PMM2: variants seen among roughly 807,000 people sequenced by gnomAD.
PMM2 encodes phosphomannomutase 2.
PMM2 carries 35 observed loss-of-function variants against 33.2 expected under a neutral mutation model. The observed-to-expected ratio is 1.06, with a 90% CI of 0.81 to 1.40. The LOEUF (loss-of-function observed/expected upper bound fraction) is 1.40. Among genes scored for constraint, PMM2 ranks in the 40% most tolerant of loss-of-function variants. PMM2 has a pLI of 0.00. For missense variants in PMM2, 386 were observed against 306.0 expected (o/e 1.26, Z -1.95); for synonymous variants, 153 against 114.7 (o/e 1.33, Z -2.13).
intron 7 of PMM2, among the ~76,000 whole-genome samples, chr16:8,828,997 A>T (rs1168804780): frequency 6.6e-6 from 1 of 151,930 alleles, no homozygotes; most frequent in Non-Finnish European, 1.5e-5. Flanking sequence ...TTTTCTTTTG[A>T]GATGGAGTCT....
intron 7 of PMM2, among the ~76,000 whole-genome samples, chr16:8,845,124 G>GA (rs1350909507): frequency 6.6e-6 from 1 of 152,216 alleles, no homozygotes; most frequent in Non-Finnish European, 1.5e-5. Flanking sequence ...AGTCCGAAAA[G>GA]AGAGTCGGCA....
chr16:8,844,627 C>T (rs1307720241), intron 7 of PMM2, among the ~76,000 whole-genome samples: 2 of 152,232 alleles, frequency 1.3e-5, no homozygotes, highest in African/African-American at 2.4e-5. Context: ...CGTGGTCTGA[C>T]ACCTCTGAAA....
At chr16:8,817,143 G>T (rs1467583043) in intron 7 of PMM2, among the ~76,000 whole-genome samples, 1 of 152,226 alleles carries the variant, frequency 6.6e-6, no homozygotes, top group Non-Finnish European at 1.5e-5. Flanking sequence ...CAGTGGGGTA[G>T]AAAGATCTTG....
intron 7 of PMM2, among the ~76,000 whole-genome samples, chr16:8,840,468 ATAG>A (rs1330951761): frequency 2.6e-5 from 4 of 151,962 alleles, no homozygotes; most frequent in African/African-American, 9.7e-5. Context: ...CAGACAGAAG[ATAG>A]TAGGGATGAC....
chr16:8,806,296 CAAGT>C lies in PMM2; in HGVS notation c.256-18_256-15del, dbSNP rs749891660. On this transcript the variant is annotated splice_polypyrimidine_tract_variant and intron_variant, in intron 3 of 7. Transcript: ENST00000268261. Reference sequence around the variant, plus strand: ...AATGCTCCTGCTAAATCAAGTAACTCAAGTATTTTCTTCATCTAGAATATTCAAA... The same window carrying C: ...AATGCTCCTGCTAAATCAAGTAACTCATTTTCTTCATCTAGAATATTCAAA... 13 of 1,480,612 alleles carry C rather than the reference CAAGT, an allele frequency of 8.8e-6. No homozygotes were observed. Among genetic ancestry groups the C allele is most frequent in the Middle Eastern group, 1.7e-4 (1 of 5,798 alleles). The allele number at this position is 1,480,612 out of a possible 1,614,324, so 91.7% of individuals were successfully genotyped here.
At chr16:8,811,742 C>T in intron 6 of PMM2, 29 bp downstream of exon 6, 1 of 1,450,308 alleles carries the variant, frequency 6.9e-7, no homozygotes, top group Non-Finnish European at 9.7e-7. Context: ...GTGTTCCAAA[C>T]TTGGATACCC....
intron 7 of PMM2, among the ~76,000 whole-genome samples, chr16:8,827,779 T>TTTATAC (rs1466188112): frequency 2.8e-5 from 2 of 70,342 alleles, no homozygotes; most frequent in Non-Finnish European, 5.6e-5. Flanking sequence ...TTTATATATA[T>TTTATAC]ATATTTATAT....
intron 7 of PMM2, chr16:8,832,552 G>A: frequency 1.0e-6 from 1 of 985,376 alleles, no homozygotes; most frequent in Non-Finnish European, 1.2e-6. Context: ...AACTGTCAGG[G>A]GACTAGCATA....
At chr16:8,835,263 G>A (rs967640363) in intron 7 of PMM2, among the ~76,000 whole-genome samples, 16 of 151,868 alleles carry the variant, frequency 1.1e-4, no homozygotes, top group African/African-American at 3.6e-4. Context: ...GTAAGGGATT[G>A]AGGTTTGGGA....
chr16:8,838,519 C>T (rs1428304376), intron 7 of PMM2, among the ~76,000 whole-genome samples: 1 of 151,618 alleles, frequency 6.6e-6, no homozygotes, highest in African/African-American at 2.4e-5. Flanking sequence ...CTGCTTCAAG[C>T]GGGATTAGGG....
In PMM2 at chr16:8,840,537, A is replaced by G. The variant is rs1024078164; in HGVS notation, c.640-7187A>G. On this transcript the variant is annotated intron_variant, in intron 7 of 7. Coordinates refer to ENST00000268261, the MANE Select transcript of PMM2 (RefSeq NM_000303.3). The stretch of plus-strand genomic sequence containing the variant: ...GGGTGACTTCGTAAAGCCCTGTTGC[A>G]AAAAGTAGGGTAAGGACGAAAAACC... 4.6e-5 allele frequency among the ~76,000 whole-genome samples: 7 copies of G among 151,980 alleles called. 1 individual carries two copies. Among genetic ancestry groups the G allele is most frequent in the African/African-American group, 1.7e-4 (7 of 41,392 alleles).
chr16:8,843,519 G>A (rs374097183), intron 7 of PMM2, among the ~76,000 whole-genome samples: 19 of 148,508 alleles, frequency 1.3e-4, no homozygotes, highest in African/African-American at 3.4e-4. Flanking sequence ...CTTGGCCCTG[G>A]TAGTCAGATT....
intron 7 of PMM2, among the ~76,000 whole-genome samples, chr16:8,828,515 A>G (rs1021385574): frequency 1.6e-4 from 24 of 152,174 alleles, no homozygotes; most frequent in African/African-American, 5.8e-4. Context: ...AAGGCTAGAC[A>G]TGACACTGTC....
intron 7 of PMM2, among the ~76,000 whole-genome samples, chr16:8,820,203 C>A (rs1409554961): frequency 6.6e-6 from 1 of 151,996 alleles, no homozygotes; most frequent in African/African-American, 2.4e-5. Flanking sequence ...TCTCAATAAA[C>A]AAATAAAGAA....
intron 7 of PMM2, among the ~76,000 whole-genome samples, chr16:8,831,253 C>T (rs939709751): frequency 1.3e-5 from 2 of 152,232 alleles, no homozygotes; most frequent in Non-Finnish European, 2.9e-5. Context: ...TGGAGTCAGG[C>T]CAGATCTCTT....
chr16:8,844,330 G>C (rs558829870), intron 7 of PMM2, among the ~76,000 whole-genome samples: 56 of 152,226 alleles, frequency 3.7e-4, no homozygotes, highest in African/African-American at 1.3e-3. Flanking sequence ...GAGACATGGA[G>C]GGAAGGGGTT....
chr16:8,811,237 C>T (rs578052574), intron 5 of PMM2, 59 bp downstream of exon 5: 2 of 1,130,820 alleles, frequency 1.8e-6, no homozygotes, highest in East Asian at 5.1e-5. Flanking sequence ...AAGATATGGC[C>T]TGGTGTGGTG....
At chr16:8,835,114 T>C (rs867564001) in intron 7 of PMM2, among the ~76,000 whole-genome samples, 113 of 148,364 alleles carry the variant, frequency 7.6e-4, no homozygotes, top group Middle Eastern at 3.4e-3. Flanking sequence ...CGGCAGCCGC[T>C]GCACGCAGAC....
chr16:8,803,171 A>G (rs1465993183), intron 2 of PMM2, among the ~76,000 whole-genome samples: 1 of 152,218 alleles, frequency 6.6e-6, no homozygotes, highest in Non-Finnish European at 1.5e-5. Flanking sequence ...AAGATGTAAT[A>G]TGTTACAGTC....
Sources: allele counts gnomAD v4.1 joint callset (sites outside exome capture counted in the v4.1 genomes callset), GRCh38; gene constraint gnomAD v4.1.1; transcripts MANE v1.5; gene names NCBI Gene and HGNC (gene_info 2026-07-23, HGNC 2026-07-21).